The following SLC25A21 variants were observed in gnomAD, a reference collection of about 807,000 sequenced individuals.
SLC25A21 encodes solute carrier family 25 member 21, also known as mitochondrial 2-oxodicarboxylate carrier.
Under a neutral mutation model 43.8 loss-of-function variants are expected in SLC25A21, and 47 were observed. The observed-to-expected ratio is 1.07, with a 90% CI of 0.85 to 1.37. SLC25A21 has a LOEUF of 1.37. Among genes scored for constraint, SLC25A21 ranks in the 40% most tolerant of loss-of-function variants. SLC25A21 has a pLI of 0.00. For synonymous variants in SLC25A21, 131 were observed against 121.3 expected, an observed-to-expected ratio of 1.08 and a Z score of -0.52; for missense variants, 352 against 350.2, an observed-to-expected ratio of 1.00 and a Z score of -0.04.
At chr14:37,105,068 C>T (rs1288929093) in intron 1 of SLC25A21, among the ~76,000 whole-genome samples, 1 of 152,116 alleles carries the variant, frequency 6.6e-6, no homozygotes, top group Non-Finnish European at 1.5e-5. Context: ...ACTGGCACAC[C>T]TACATTTTTA....
intron 1 of SLC25A21, among the ~76,000 whole-genome samples, chr14:37,086,009 G>T (rs549832418): frequency 3.9e-5 from 6 of 152,102 alleles, no homozygotes; most frequent in African/African-American, 1.4e-4. Context: ...GGAGGCTGAG[G>T]CAGGAGAATG....
At chr14:37,168,004 T>A (rs1964060585) in intron 1 of SLC25A21, among the ~76,000 whole-genome samples, 1 of 152,254 alleles carries the variant, frequency 6.6e-6, no homozygotes, top group Non-Finnish European at 1.5e-5. Flanking sequence ...TGCAATTCTC[T>A]TGTCTTGATA....
chr14:36,749,007 C>A (rs1885603758), intron 3 of SLC25A21, among the ~76,000 whole-genome samples: 1 of 152,236 alleles, frequency 6.6e-6, no homozygotes, highest in African/African-American at 2.4e-5. Context: ...AAACAGACTG[C>A]AGCCTACTCT....
chr14:36,948,250 C>T (rs1196171546), intron 1 of SLC25A21, among the ~76,000 whole-genome samples: 2 of 152,036 alleles, frequency 1.3e-5, no homozygotes, highest in South Asian at 2.1e-4. Context: ...TTTTATTTGC[C>T]ACTCTAATTA....
At chr14:36,897,530 C>CT (rs1566720966) in intron 1 of SLC25A21, among the ~76,000 whole-genome samples, 122 of 152,218 alleles carry the variant, frequency 8.0e-4, no homozygotes, top group African/African-American at 2.8e-3. Flanking sequence ...CCTTCTTCTC[C>CT]CAACTCATCA....
chr14:36,874,573 T>C (rs1467640148), intron 2 of SLC25A21, among the ~76,000 whole-genome samples: 1 of 152,172 alleles, frequency 6.6e-6, no homozygotes, highest in Non-Finnish European at 1.5e-5. Flanking sequence ...AATTTTGAAG[T>C]CTCATACCAA....
intron 3 of SLC25A21, among the ~76,000 whole-genome samples, chr14:36,789,794 AAT>A (rs1157947957): frequency 9.1e-6 from 1 of 109,332 alleles, no homozygotes; most frequent in East Asian, 2.3e-4. Flanking sequence ...ATTTATATAT[AAT>A]ATATTTTATA....
intron 1 of SLC25A21, among the ~76,000 whole-genome samples, chr14:37,027,702 T>C (rs1566825814): frequency 6.6e-6 from 1 of 152,164 alleles, no homozygotes; most frequent in Non-Finnish European, 1.5e-5. Context: ...GAAAGCTGAC[T>C]AAAAGAGTAA....
intron 1 of SLC25A21, among the ~76,000 whole-genome samples, chr14:37,029,932 T>A (rs1961174764): frequency 6.6e-6 from 1 of 151,800 alleles, no homozygotes; most frequent in Admixed American, 6.6e-5. Flanking sequence ...ATCTGGCTAA[T>A]TTTTTTATTT....
At chr14:36,812,515 C>T (rs1337895263) in intron 3 of SLC25A21, among the ~76,000 whole-genome samples, 12 of 150,308 alleles carry the variant, frequency 8.0e-5, no homozygotes. Flanking sequence ...TATAGATACA[C>T]ACAAATGTGC....
At chr14:37,051,792 T>C (rs1259424683) in intron 1 of SLC25A21, among the ~76,000 whole-genome samples, 1 of 152,166 alleles carries the variant, frequency 6.6e-6, no homozygotes, top group Admixed American at 6.5e-5. Context: ...TGTGACCAGG[T>C]AGGGAGAGAG....
chr14:37,122,576 A>G (rs1963228090), intron 1 of SLC25A21, among the ~76,000 whole-genome samples: 1 of 152,210 alleles, frequency 6.6e-6, no homozygotes, highest in African/African-American at 2.4e-5. Context: ...AGTGCTGTAT[A>G]CAACCAGAGT....
At chr14:36,859,376 T>C (rs1468003059) in intron 2 of SLC25A21, among the ~76,000 whole-genome samples, 1 of 152,210 alleles carries the variant, frequency 6.6e-6, no homozygotes, top group African/African-American at 2.4e-5. Context: ...AAATAAGATA[T>C]TGTGTGCACT....
At chr14:36,987,759 C>G (rs1317891311) in intron 1 of SLC25A21, among the ~76,000 whole-genome samples, 1 of 152,052 alleles carries the variant, frequency 6.6e-6, no homozygotes, top group Non-Finnish European at 1.5e-5. Context: ...CAATTTTAGT[C>G]CACACCAATG....
At chr14:36,846,483 G>A (rs187685008) in intron 2 of SLC25A21, among the ~76,000 whole-genome samples, 1 of 152,054 alleles carries the variant, frequency 6.6e-6, no homozygotes, top group African/African-American at 2.4e-5. Context: ...CTGGGTTCAG[G>A]CGATTCTCCT....
At position 36,830,960 on chromosome 14, in the gene SLC25A21, A is replaced by G. The variant is rs182455780; in HGVS notation, c.120-16959T>C. ...CACTTGCACAGCTAAAATCAGGGAA[A>G]TAAGTGTGTTTAGAGATCAGGCTAA... On this transcript the variant is annotated intron_variant, in intron 2 of 9. Transcript: ENST00000331299. Among the ~76,000 whole-genome samples, 28 of 152,358 alleles carry G rather than the reference A, an allele frequency of 1.8e-4. No homozygotes were observed. The East Asian group carries it at 4.8e-3, about 26-fold the overall frequency.
chr14:36,756,969 C>T (rs1885956165), intron 3 of SLC25A21, among the ~76,000 whole-genome samples: 2 of 151,730 alleles, frequency 1.3e-5, no homozygotes, highest in Non-Finnish European at 1.5e-5. Context: ...ATTAAAATTA[C>T]TGAGTTGGGC....
chr14:37,010,638 G>A (rs1200906118), intron 1 of SLC25A21, among the ~76,000 whole-genome samples: 1 of 152,070 alleles, frequency 6.6e-6, no homozygotes, highest in Non-Finnish European at 1.5e-5. Flanking sequence ...TGAGCAAGAG[G>A]CCTTCCAGAC....
rs1888475166 is a variant in SLC25A21, at chr14:36,816,877, T to C, written c.120-2876A>G. 2.0e-5 allele frequency among the ~76,000 whole-genome samples: 3 copies of C among 152,308 alleles called. No individual in the cohort carries two copies. In the South Asian group the frequency reaches 6.2e-4, roughly 32 times the overall value. Reference sequence around the variant, plus strand: ...GTTCAGTTCAAATAAGAATCTTCATTTCTGTATTTGCATATTTGTAACCTA... The same window carrying C: ...GTTCAGTTCAAATAAGAATCTTCATCTCTGTATTTGCATATTTGTAACCTA... On this transcript the variant is annotated intron_variant, in intron 2 of 9. Transcript: ENST00000331299.
Sources: allele counts gnomAD v4.1 joint callset (sites outside exome capture counted in the v4.1 genomes callset), GRCh38; gene constraint gnomAD v4.1.1; transcripts MANE v1.5; gene names NCBI Gene and HGNC (gene_info 2026-07-23, HGNC 2026-07-21).